The following RCL1 variants were observed in gnomAD, a reference collection of about 807,000 sequenced individuals.
RCL1 encodes RNA terminal phosphate cyclase like 1, also known as RNA 3'-terminal phosphate cyclase-like protein.
Under a neutral mutation model 42.4 loss-of-function variants are expected in RCL1, and 24 were observed. The ratio of observed to expected loss-of-function variants is 0.57; its 90% CI spans 0.41 to 0.80. The LOEUF (loss-of-function observed/expected upper bound fraction) is 0.80. Ranked by LOEUF, RCL1 falls within the 30% of genes least tolerant of loss-of-function variation. The pLI is 0.00. For synonymous variants in RCL1, 228 were observed against 177.3 expected (o/e 1.29, Z -2.27); for missense variants, 578 against 467.9 (o/e 1.24, Z -2.17).
Position 4,793,154 on chromosome 9 carries a change from C to G in RCL1, c.63C>G (p.Val21=), listed in dbSNP as rs377005052. 1.1e-4 allele frequency: 172 copies of G among 1,612,154 alleles called. No homozygotes were observed. The highest frequency in any genetic ancestry group is 3.3e-4 in the Middle Eastern group (2 of 6,074). Residue 21 remains valine, a synonymous_variant, in exon 1 of 9, where the codon GTC becomes GTG. Coordinates refer to ENST00000381750, the MANE Select transcript of RCL1 (RefSeq NM_005772.5). ...GCAACTTCTTGCGCCAACGTCTGGT[C>G]CTGTCTACCCTGAGCGGGCGCCCCG... ...AGCNFLRQRL[V]LSTLSGRPVK...
At chr9:4,817,976 A>G (rs1439260304) in intron 1 of RCL1, among the ~76,000 whole-genome samples, 3 of 119,040 alleles carry the variant, frequency 2.5e-5, no homozygotes, top group Admixed American at 1.1e-4. Context: ...GCTGGAGTGT[A>G]GTGGTGCAAT....
intron 1 of RCL1, chr9:4,805,020 G>C (rs1301036127): frequency 6.6e-6 from 1 of 152,322 alleles, no homozygotes; most frequent in African/African-American, 2.4e-5. Context: ...GGAACAGTGG[G>C]TCACTGACAG....
intron 1 of RCL1, among the ~76,000 whole-genome samples, chr9:4,807,910 A>C (rs1816038154): frequency 6.6e-6 from 1 of 152,182 alleles, no homozygotes; most frequent in African/African-American, 2.4e-5. Context: ...ACGGTCAGAA[A>C]ACATTCTCTG....
intron 1 of RCL1, among the ~76,000 whole-genome samples, chr9:4,820,486 T>A (rs2130995174): frequency 6.6e-6 from 1 of 152,370 alleles, no homozygotes; most frequent in South Asian, 2.1e-4. Context: ...ATTCTCTTTC[T>A]ACTTTTGTTC....
At position 4,849,439 on chromosome 9, in the gene RCL1, G is replaced by A. The variant is rs777897737; in HGVS notation, c.868-8G>A. ...CTGGTTTGTACAATTATTAATTTGT[G>A]TTTACAGGGTGGATGCGTAGACTCG... On this transcript the variant is annotated splice_polypyrimidine_tract_variant and splice_region_variant and intron_variant, in intron 7 of 8. Transcript: ENST00000381750. The A allele has an allele frequency of 3.7e-6, 6 of 1,605,398 alleles. No homozygotes were observed. The highest frequency in any genetic ancestry group is 5.1e-6 in the Non-Finnish European group (6 of 1,172,770).
At chr9:4,853,134 ATAACT>A (rs1022135100) in intron 8 of RCL1, among the ~76,000 whole-genome samples, 39 of 152,232 alleles carry the variant, frequency 2.6e-4, no homozygotes, top group African/African-American at 8.7e-4. Context: ...CTCAGACATA[ATAACT>A]TATCTGGTTT....
intron 2 of RCL1, among the ~76,000 whole-genome samples, chr9:4,826,073 G>GA (rs371653606): frequency 4.1e-5 from 6 of 147,116 alleles, no homozygotes; most frequent in Non-Finnish European, 9.0e-5. Context: ...CTAAAATAAA[G>GA]AAAAAAAAGA....
intron 3 of RCL1, among the ~76,000 whole-genome samples, chr9:4,830,527 C>G (rs1399574731): frequency 6.6e-6 from 1 of 152,078 alleles, no homozygotes; most frequent in Non-Finnish European, 1.5e-5. Context: ...AGAAGGTCTC[C>G]TGACTCTTGG....
At chr9:4,825,038 A>G (rs1011727674) in intron 2 of RCL1, among the ~76,000 whole-genome samples, 2 of 150,674 alleles carry the variant, frequency 1.3e-5, no homozygotes, top group Admixed American at 1.3e-4. Flanking sequence ...TAGCCTCCCC[A>G]GTAGCTGGGA....
intron 1 of RCL1, among the ~76,000 whole-genome samples, chr9:4,808,852 A>C (rs1816071094): frequency 6.6e-6 from 1 of 152,194 alleles, no homozygotes; most frequent in Non-Finnish European, 1.5e-5. Context: ...AGGGCAAAGA[A>C]GTTTTTGATT....
At chr9:4,851,757 T>A (rs1817757536) in intron 8 of RCL1, among the ~76,000 whole-genome samples, 1 of 152,110 alleles carries the variant, frequency 6.6e-6, no homozygotes, top group Non-Finnish European at 1.5e-5. Context: ...AAAGCATTTC[T>A]TCAAGCAGTT....
At chr9:4,859,081 G>A (rs750458656) in intron 8 of RCL1, among the ~76,000 whole-genome samples, 21 of 152,280 alleles carry the variant, frequency 1.4e-4, no homozygotes, top group Non-Finnish European at 2.5e-4. Flanking sequence ...TTAATGAACT[G>A]TTCAGGTGAG....
chr9:4,845,007 C>G (rs7018837), intron 7 of RCL1, among the ~76,000 whole-genome samples: 3,452 of 152,224 alleles, frequency 0.023, 117 homozygotes, highest in African/African-American at 0.076. Flanking sequence ...CTGCCCTAGC[C>G]AAAGAGAGTA....
chr9:4,822,961 C>T (rs542882995), intron 1 of RCL1, among the ~76,000 whole-genome samples: 1 of 152,118 alleles, frequency 6.6e-6, no homozygotes, highest in East Asian at 1.9e-4. Flanking sequence ...ACTGTACATT[C>T]AAACACCCTT....
intron 6 of RCL1, among the ~76,000 whole-genome samples, chr9:4,842,025 T>G (rs1321071312): frequency 6.6e-6 from 1 of 152,158 alleles, no homozygotes; most frequent in African/African-American, 2.4e-5. Flanking sequence ...ACAGAAAAGA[T>G]CAAAGAATAG....
At chr9:4,854,945 C>A (rs189113524) in intron 8 of RCL1, among the ~76,000 whole-genome samples, 1 of 150,546 alleles carries the variant, frequency 6.6e-6, no homozygotes, top group Non-Finnish European at 1.5e-5. Context: ...CCCAGCTACT[C>A]GGGAGGCTGA....
Position 4,841,321 on chromosome 9 carries a change from T to C in RCL1, c.674T>C (p.Ile225Thr). The change falls in exon 6 of 9, where the codon ATT becomes ACT. Residue 225 changes from isoleucine (I) to threonine (T), a missense_variant. By Grantham distance (89) the Ile-to-Thr change is moderately conservative. Transcript: ENST00000381750. ...ILNKFIPDIY[I>T]YTDHMKGVNS... ...AACAAGTTCATACCTGATATCTATA[T>C]TTACACAGATCACATGAAAGGAGTC... 2 of 1,613,256 alleles carry C rather than the reference T, an allele frequency of 1.2e-6. No individual in the cohort carries two copies. Among genetic ancestry groups the C allele is most frequent in the Non-Finnish European group, 1.7e-6 (2 of 1,179,198 alleles).
intron 8 of RCL1, chr9:4,850,441 G>A (rs1196074070): frequency 1.5e-4 from 52 of 339,226 alleles, no homozygotes; most frequent in South Asian, 1.4e-3. Flanking sequence ...ATGGCGTTGG[G>A]GGCATGAAAA....
At chr9:4,859,314 C>G (rs1818077964) in intron 8 of RCL1, among the ~76,000 whole-genome samples, 1 of 152,200 alleles carries the variant, frequency 6.6e-6, no homozygotes, top group Admixed American at 6.5e-5. Flanking sequence ...CAAATACTGT[C>G]ATACCCACAG....
Sources: gnomAD v4.1 joint callset for allele counts (sites outside exome capture counted in the v4.1 genomes callset) on GRCh38, gnomAD v4.1.1 for gene constraint, MANE v1.5 for transcripts, NCBI Gene and HGNC (gene_info 2026-07-23, HGNC 2026-07-21) for gene names.